Variants in BPTF observed in about 807,000 individuals in gnomAD.
BPTF encodes nucleosome-remodeling factor subunit BPTF.
In BPTF, 18 loss-of-function variants were observed where a neutral mutation model predicts 292.5. That is an observed-to-expected ratio of 0.06 (90% CI 0.04 to 0.09). The LOEUF (loss-of-function observed/expected upper bound fraction) is 0.09. Among genes scored for constraint, BPTF ranks in the 10% least tolerant of loss-of-function variants. The pLI, the probability that BPTF is intolerant of heterozygous loss-of-function variation, is 1.00. For synonymous variants in BPTF, 1,225 were observed against 1,251.9 expected, an observed-to-expected ratio of 0.98 and a Z score of 0.45; for missense variants, 2,726 against 3,498.7, an observed-to-expected ratio of 0.78 and a Z score of 5.57.
intron 4 of BPTF, among the ~76,000 whole-genome samples, chr17:67,878,931 A>G (rs532325258): frequency 6.6e-6 from 1 of 152,038 alleles, no homozygotes; most frequent in South Asian, 2.1e-4. Flanking sequence ...TCCTTGTTAT[A>G]TATTATAGCA....
intron 26 of BPTF, among the ~76,000 whole-genome samples, chr17:67,973,449 T>A (rs1460531305): frequency 6.6e-6 from 1 of 152,086 alleles, no homozygotes; most frequent in African/African-American, 2.4e-5. Context: ...TATCTTGGCA[T>A]ATAATGAGAG....
intron 11 of BPTF, among the ~76,000 whole-genome samples, chr17:67,917,131 C>CCTTTTTTTTTTTTTTTTTTTTT (rs2063065953): frequency 6.6e-5 from 7 of 105,790 alleles, no homozygotes; most frequent in East Asian, 4.1e-4. Flanking sequence ...TGGTATTGTC[C>CCTTTTTTTTTTTTTTTTTTTTT]TTTTTTTTTT....
At chr17:67,966,958 G>T (rs1173270170) in intron 26 of BPTF, among the ~76,000 whole-genome samples, 2 of 151,430 alleles carry the variant, frequency 1.3e-5, no homozygotes, top group African/African-American at 2.4e-5. Flanking sequence ...AAATTAGCTG[G>T]GCATGGTGGT....
chr17:67,931,794 G>C (rs1432636987), intron 17 of BPTF, 117 bp from the exon 18 acceptor site: 1 of 667,064 alleles, frequency 1.5e-6, no homozygotes, highest in African/African-American at 1.9e-5. Flanking sequence ...AAGAGCCCCT[G>C]TCATTCCTGT....
intron 27 of BPTF, among the ~76,000 whole-genome samples, chr17:67,979,917 A>G (rs1363906899): frequency 7.9e-5 from 12 of 151,892 alleles, no homozygotes; most frequent in Non-Finnish European, 1.6e-4. Context: ...GTGCACGCTT[A>G]TAAGTCTCAG....
chr17:67,952,123 A>G (rs1315642680), intron 23 of BPTF, among the ~76,000 whole-genome samples: 3 of 151,768 alleles, frequency 2.0e-5, no homozygotes, highest in East Asian at 1.9e-4. Context: ...AGCCTGTCCA[A>G]CATGGTGAAT....
chr17:67,826,031 G>C lies in BPTF; in HGVS notation c.307G>C (p.Gly103Arg). ...GCGAGGAGGCGGGGGCGGCAGGACG[G>C]GGGGCGGGGGCGGCGGCGGCCACCT... ...GGRGGGGGRT[G>R]GGGGGGHLAR... Residue 103 changes from glycine to arginine, a missense_variant, in exon 1 of 28, where the codon GGG becomes CGG. Transcript: ENST00000306378. 3.3e-6 allele frequency: 4 copies of C among 1,196,982 alleles called. No homozygotes were observed. The highest frequency in any genetic ancestry group is 6.4e-5 in the East Asian group (2 of 31,152). The allele number at this position is 1,196,982 out of a possible 1,614,324, so 74.1% of individuals were successfully genotyped here.
At chr17:67,960,578 T>G (rs2067383731) in intron 24 of BPTF, among the ~76,000 whole-genome samples, 1 of 152,254 alleles carries the variant, frequency 6.6e-6, no homozygotes, top group Admixed American at 6.5e-5. Flanking sequence ...TTTTTGGTCA[T>G]TACTATCATT....
At chr17:67,835,490 G>A (rs2144081978) in intron 1 of BPTF, among the ~76,000 whole-genome samples, 1 of 152,248 alleles carries the variant, frequency 6.6e-6, no homozygotes, top group Non-Finnish European at 1.5e-5. Flanking sequence ...GCTGAGTGAA[G>A]TCCTCCTTTG....
At chr17:67,960,945 T>G (rs1555683724) in intron 24 of BPTF, among the ~76,000 whole-genome samples, 1 of 152,254 alleles carries the variant, frequency 6.6e-6, no homozygotes, top group Admixed American at 6.5e-5. Flanking sequence ...TCTTCACTTT[T>G]CATTATCTTA....
At chr17:67,906,529 G>A (rs8065906) in intron 9 of BPTF, among the ~76,000 whole-genome samples, 28,235 of 152,092 alleles carry the variant, frequency 0.19, 3,636 homozygotes, top group East Asian at 0.66. Flanking sequence ...AGGGTGCCAG[G>A]TGACATAGTG....
intron 4 of BPTF, chr17:67,875,836 GT>G: frequency 9.1e-7 from 1 of 1,096,780 alleles, no homozygotes. Flanking sequence ...CTTAAACTAT[GT>G]GTTCATTCAT....
intron 23 of BPTF, among the ~76,000 whole-genome samples, chr17:67,958,735 C>T (rs1029892773): frequency 1.3e-5 from 2 of 151,256 alleles, no homozygotes; most frequent in Non-Finnish European, 1.5e-5. Context: ...GAGGCCGAGG[C>T]GGGTGGATCA....
intron 1 of BPTF, among the ~76,000 whole-genome samples, chr17:67,834,555 A>C (rs932709232): frequency 3.9e-5 from 6 of 152,138 alleles, no homozygotes; most frequent in African/African-American, 1.4e-4. Flanking sequence ...AAGTTCTAGC[A>C]ATCTTCATGT....
At chr17:67,885,323 C>T (rs1384769293) in intron 4 of BPTF, among the ~76,000 whole-genome samples, 4 of 152,222 alleles carry the variant, frequency 2.6e-5, no homozygotes, top group Non-Finnish European at 5.9e-5. Context: ...TGGCTCACGC[C>T]TGTAATCCCA....
At chr17:67,931,649 C>T (rs980758378) in intron 17 of BPTF, among the ~76,000 whole-genome samples, 2 of 152,186 alleles carry the variant, frequency 1.3e-5, no homozygotes, top group Non-Finnish European at 2.9e-5. Context: ...CTGGCACATG[C>T]TCCTTCCTTT....
At chr17:67,910,073 C>G (rs2062549551) in intron 10 of BPTF, among the ~76,000 whole-genome samples, 2 of 152,208 alleles carry the variant, frequency 1.3e-5, no homozygotes. Flanking sequence ...TACTTTCTGT[C>G]TCTCTGGATT....
intron 26 of BPTF, chr17:67,973,825 T>TGA (rs1555692382): frequency 5.9e-5 from 9 of 152,068 alleles, no homozygotes; most frequent in South Asian, 2.1e-4. Flanking sequence ...ATGAATGAAC[T>TGA]CCTTTCCCTA....
chr17:67,916,651 G>A (rs887899671), intron 11 of BPTF, among the ~76,000 whole-genome samples: 6 of 151,228 alleles, frequency 4.0e-5, no homozygotes, highest in African/African-American at 7.3e-5. Context: ...CTGTAATCCC[G>A]GCTACTCGGG....
Sources: gnomAD v4.1 joint callset for allele counts (sites outside exome capture counted in the v4.1 genomes callset) on GRCh38, gnomAD v4.1.1 for gene constraint, MANE v1.5 for transcripts, NCBI Gene and HGNC (gene_info 2026-07-23, HGNC 2026-07-21) for gene names.